The following EVI5 variants were observed in gnomAD, a reference collection of about 807,000 sequenced individuals.
EVI5 encodes the protein ecotropic viral integration site 5 protein homolog.
EVI5 carries 73 observed loss-of-function variants against 112.0 expected under a neutral mutation model. That is an observed-to-expected ratio of 0.65 (90% CI 0.54 to 0.79). The LOEUF (loss-of-function observed/expected upper bound fraction) is 0.79. Among genes scored for constraint, EVI5 ranks in the 30% least tolerant of loss-of-function variants. EVI5 has a pLI of 0.00. For synonymous variants in EVI5, 305 were observed against 319.9 expected, an observed-to-expected ratio of 0.95 and a Z score of 0.50; for missense variants, 900 against 968.8, an observed-to-expected ratio of 0.93 and a Z score of 0.94.
intron 13 of EVI5, among the ~76,000 whole-genome samples, chr1:92,649,183 A>G (rs1661602392): frequency 6.6e-6 from 1 of 152,178 alleles, no homozygotes; most frequent in Non-Finnish European, 1.5e-5. Flanking sequence ...CTTTGGAGAA[A>G]AGTCCACTCA....
At chr1:92,696,143 G>C (rs1167246834) in intron 6 of EVI5, among the ~76,000 whole-genome samples, 1 of 151,932 alleles carries the variant, frequency 6.6e-6, no homozygotes, top group Non-Finnish European at 1.5e-5. Flanking sequence ...TGTTGCCCAG[G>C]CTGGTCTCAA....
Position 92,700,465 on chromosome 1 carries a change from A to C in EVI5, c.639+1676T>G, listed in dbSNP as rs577158560. On this transcript the variant is annotated intron_variant, in intron 5 of 19. Transcript: ENST00000684568. Reference sequence around the variant, plus strand: ...ACCTTATGGCCCTGGGCCATAAGTGACTACTGTTCTTGTGTTAATATACTG... The same window carrying C: ...ACCTTATGGCCCTGGGCCATAAGTGCCTACTGTTCTTGTGTTAATATACTG... Among the ~76,000 whole-genome samples the C allele has an allele frequency of 2.6e-5, 4 of 152,332 alleles. No individual in the cohort carries two copies. In the South Asian group the frequency reaches 8.3e-4, roughly 32 times the overall value.
intron 1 of EVI5, among the ~76,000 whole-genome samples, chr1:92,770,556 C>G (rs1436611756): frequency 6.6e-6 from 1 of 152,054 alleles, no homozygotes; most frequent in Non-Finnish European, 1.5e-5. Context: ...TTTGGGAGGC[C>G]AAGGCGGGCT....
At chr1:92,778,010 G>A (rs1312694767) in intron 1 of EVI5, among the ~76,000 whole-genome samples, 3 of 151,344 alleles carry the variant, frequency 2.0e-5, no homozygotes, top group Non-Finnish European at 4.4e-5. Context: ...CTGGGTTCAA[G>A]CAATCCTCCT....
At chr1:92,621,976 C>G (rs1654690094) in intron 16 of EVI5, among the ~76,000 whole-genome samples, 1 of 151,912 alleles carries the variant, frequency 6.6e-6, no homozygotes, top group African/African-American at 2.4e-5. Flanking sequence ...CAAAAATTAG[C>G]CAGGCGTGGT....
At chr1:92,758,570 A>AT (rs1681320955) in intron 1 of EVI5, among the ~76,000 whole-genome samples, 1 of 49,610 alleles carries the variant, frequency 2.0e-5, no homozygotes, top group Admixed American at 2.3e-4. Context: ...ACCCTGTCTC[A>AT]CAAAAAAAAA....
intron 1 of EVI5, among the ~76,000 whole-genome samples, chr1:92,748,804 T>C (rs892968142): frequency 2.0e-5 from 3 of 152,048 alleles, no homozygotes; most frequent in Admixed American, 1.3e-4. Flanking sequence ...CGGTGGCTCA[T>C]GGTTGTAATC....
intron 19 of EVI5, among the ~76,000 whole-genome samples, chr1:92,526,676 G>T (rs1356257111): frequency 6.6e-6 from 1 of 152,176 alleles, no homozygotes; most frequent in African/African-American, 2.4e-5. Flanking sequence ...AGTAAGCAGT[G>T]GTTGCAGGAG....
chr1:92,528,936 T>C (rs1441139500), intron 19 of EVI5, among the ~76,000 whole-genome samples: 1 of 152,208 alleles, frequency 6.6e-6, no homozygotes, highest in Non-Finnish European at 1.5e-5. Flanking sequence ...ACATATCTCA[T>C]ACTTCAATAA....
At chr1:92,721,079 G>A (rs1296211845) in intron 2 of EVI5, among the ~76,000 whole-genome samples, 1 of 152,152 alleles carries the variant, frequency 6.6e-6, no homozygotes, top group Non-Finnish European at 1.5e-5. Flanking sequence ...ACTGTTGGTG[G>A]GAGTGTAAAT....
intron 13 of EVI5, among the ~76,000 whole-genome samples, chr1:92,654,866 G>A (rs535623079): frequency 6.6e-6 from 1 of 152,068 alleles, no homozygotes; most frequent in South Asian, 2.1e-4. Flanking sequence ...AAACCCAGCA[G>A]AAAAAACAAT....
intron 19 of EVI5, among the ~76,000 whole-genome samples, chr1:92,531,386 T>C (rs1662842664): frequency 6.6e-6 from 1 of 152,158 alleles, no homozygotes; most frequent in African/African-American, 2.4e-5. Flanking sequence ...CCAGGAGAGC[T>C]TCCCCAACCT....
intron 19 of EVI5, among the ~76,000 whole-genome samples, chr1:92,551,844 A>C (rs1451443347): frequency 2.6e-5 from 4 of 152,164 alleles, no homozygotes; most frequent in African/African-American, 9.7e-5. Context: ...CCTTCAAAAA[A>C]TGCTTATCAC....
intron 19 of EVI5, among the ~76,000 whole-genome samples, chr1:92,552,041 GT>G (rs1667022849): frequency 6.7e-6 from 1 of 148,844 alleles, no homozygotes; most frequent in Admixed American, 6.9e-5. Context: ...CTCTACCCAT[GT>G]GATGTAAAGT....
intron 9 of EVI5, among the ~76,000 whole-genome samples, chr1:92,686,951 A>T (rs1257785400): frequency 2.0e-5 from 3 of 152,242 alleles, no homozygotes; most frequent in Admixed American, 1.3e-4. Context: ...TATCATGAAA[A>T]TGGCCATACT....
intron 19 of EVI5, among the ~76,000 whole-genome samples, chr1:92,533,522 G>GA (rs1345868102): frequency 2.0e-5 from 3 of 152,104 alleles, no homozygotes; most frequent in Non-Finnish European, 4.4e-5. Context: ...ACATTGGTGT[G>GA]AAAATCCTCA....
intron 19 of EVI5, among the ~76,000 whole-genome samples, chr1:92,545,162 CTT>C (rs1370306061): frequency 6.6e-6 from 1 of 152,178 alleles, no homozygotes; most frequent in Non-Finnish European, 1.5e-5. Flanking sequence ...TTAATTGACA[CTT>C]AGTAAATTAG....
intron 16 of EVI5, among the ~76,000 whole-genome samples, chr1:92,622,114 C>T (rs982856111): frequency 1.6e-5 from 2 of 124,730 alleles, no homozygotes; most frequent in African/African-American, 3.0e-5. Context: ...AGCAAGGCTC[C>T]GTCTAAAAAA....
chr1:92,650,270 G>A (rs925544637), intron 13 of EVI5, among the ~76,000 whole-genome samples: 19 of 152,100 alleles, frequency 1.2e-4, no homozygotes, highest in Non-Finnish European at 2.4e-4. Context: ...ATTTTGGGTA[G>A]TACTGACATC....
Sources: allele counts gnomAD v4.1 joint callset (sites outside exome capture counted in the v4.1 genomes callset), GRCh38; gene constraint gnomAD v4.1.1; transcripts MANE v1.5; gene names NCBI Gene and HGNC (gene_info 2026-07-23, HGNC 2026-07-21).